MEIS2: variants seen among roughly 807,000 people sequenced by gnomAD.
MEIS2 encodes the protein Meis homeobox 2.
MEIS2 carries 9 observed loss-of-function variants against 58.6 expected under a neutral mutation model. The ratio of observed to expected loss-of-function variants is 0.15; its 90% confidence interval spans 0.09 to 0.27. MEIS2 has a LOEUF of 0.27. Among genes scored for constraint, MEIS2 ranks in the 10% least tolerant of loss-of-function variants. The pLI is 1.00. For missense variants in MEIS2, 427 were observed against 635.0 expected (o/e 0.67, Z 3.52); for synonymous variants, 221 against 228.4 (o/e 0.97, Z 0.29).
chr15:36,992,074 C>G (rs2060316545), intron 8 of MEIS2, among the ~76,000 whole-genome samples: 1 of 151,216 alleles, frequency 6.6e-6, no homozygotes, highest in African/African-American at 2.4e-5. Context: ...GGCGGTGAGC[C>G]ACCGCGCCCG....
Position 37,014,872 on chromosome 15 carries a change from G to C in MEIS2, c.900+21942C>G, listed in dbSNP as rs578099373. Among the ~76,000 whole-genome samples the C allele has an allele frequency of 6.7e-5, 10 of 149,092 alleles. No homozygotes were observed. In the South Asian group the frequency reaches 2.1e-3, roughly 31 times the overall value. On this transcript the variant is annotated intron_variant, in intron 8 of 11. Coordinates refer to ENST00000561208, the MANE Select transcript of MEIS2 (RefSeq NM_170675.5). ...TTTTTTTTTTTTTTGCTCCTTATCA[G>C]CACCATAGATTTTTAACTATGGACC...
At chr15:36,976,990 G>A (rs2059781088) in intron 8 of MEIS2, among the ~76,000 whole-genome samples, 1 of 152,130 alleles carries the variant, frequency 6.6e-6, no homozygotes, top group Non-Finnish European at 1.5e-5. Context: ...GCTGGGCATG[G>A]TGGCGCATGC....
At chr15:36,935,524 C>G (rs1001400777) in intron 9 of MEIS2, among the ~76,000 whole-genome samples, 1 of 152,004 alleles carries the variant, frequency 6.6e-6, no homozygotes, top group African/African-American at 2.4e-5. Flanking sequence ...TAATAATAAT[C>G]AGGAAAGAGA....
chr15:36,965,566 G>C (rs922016993), intron 8 of MEIS2, among the ~76,000 whole-genome samples: 2 of 152,168 alleles, frequency 1.3e-5, no homozygotes, highest in African/African-American at 4.8e-5. Context: ...ATAACTGTAG[G>C]ATGAATATGG....
At chr15:37,086,863 C>T (rs1892958516) in intron 6 of MEIS2, among the ~76,000 whole-genome samples, 3 of 152,150 alleles carry the variant, frequency 2.0e-5, no homozygotes, top group Non-Finnish European at 4.4e-5. Flanking sequence ...CCTCCTTGGT[C>T]ATAAAAAACT....
rs1457092240 is a variant in MEIS2 at position 36,889,254 on chromosome 15, C to G, written c.*2919G>C. On this transcript the variant is annotated 3_prime_UTR_variant, in exon 12 of 12. Coordinates refer to ENST00000561208, the MANE Select transcript of MEIS2 (RefSeq NM_170675.5). ...TCAGACTACAGTATTTCCTTTAACA[C>G]TATATGGTTGTCAAAACACCATTCC... The G allele has an allele frequency of 6.6e-6, 1 of 152,150 alleles. No homozygotes were observed. The highest frequency in any genetic ancestry group is 1.5e-5 in the Non-Finnish European group (1 of 68,034). 9.4% of individuals were successfully genotyped at this position (152,150 alleles called of 1,614,324 possible).
At chr15:37,098,875 G>T (rs1410972771) in intron 1 of MEIS2, 3 of 977,592 alleles carry the variant, frequency 3.1e-6, no homozygotes, top group African/African-American at 1.8e-5. Flanking sequence ...AGCGGAGGGT[G>T]GGGGGGCGAA....
At chr15:37,048,358 G>T (rs116580652) in intron 7 of MEIS2, among the ~76,000 whole-genome samples, 3,981 of 151,952 alleles carry the variant, frequency 0.026, 192 homozygotes, top group African/African-American at 0.09. Flanking sequence ...AATAAAATTT[G>T]TTGGAAGAAA....
intron 8 of MEIS2, among the ~76,000 whole-genome samples, chr15:36,981,250 A>T (rs532782673): frequency 6.6e-6 from 1 of 152,150 alleles, no homozygotes; most frequent in South Asian, 2.1e-4. Context: ...AAAGCTATTG[A>T]TACTTGCATA....
chr15:37,097,237 C>T (rs780806938), intron 2 of MEIS2: 7 of 152,318 alleles, frequency 4.6e-5, no homozygotes, highest in Admixed American at 3.3e-4. Flanking sequence ...CCACTGTCCC[C>T]TCCCCTCGGC....
In MEIS2 at chr15:37,088,179, A is replaced by G. The variant is rs189815117; in HGVS notation, c.640-4294T>C. 2.4e-3 allele frequency among the ~76,000 whole-genome samples: 361 copies of G among 152,356 alleles called. 1 individual carries two copies. The highest frequency in any genetic ancestry group is 7.9e-3 in the African/African-American group (330 of 41,582). The stretch of plus-strand genomic sequence containing the variant: ...CTCTTTAAAATTAAGAAGTTAGACC[A>G]GATAACTTCTAGAACCTACACAACT... On this transcript the variant is annotated intron_variant, in intron 6 of 11. Transcript: ENST00000561208.
At chr15:36,930,227 G>C (rs2057919249) in intron 9 of MEIS2, among the ~76,000 whole-genome samples, 1 of 147,360 alleles carries the variant, frequency 6.8e-6, no homozygotes, top group African/African-American at 2.5e-5. Context: ...AAAAGAGAGA[G>C]AGAGAGAAAA....
chr15:36,963,599 A>G (rs1268401620), intron 8 of MEIS2, among the ~76,000 whole-genome samples: 1 of 152,240 alleles, frequency 6.6e-6, no homozygotes, highest in Non-Finnish European at 1.5e-5. Flanking sequence ...TAAAGTCTTC[A>G]TCTTCTTTCC....
chr15:37,090,218 T>C (rs2681312), intron 6 of MEIS2, among the ~76,000 whole-genome samples: 32,167 of 151,898 alleles, frequency 0.21, 3,735 homozygotes, highest in Middle Eastern at 0.35. Context: ...ATTAAAAACA[T>C]AAGCATGCAT....
intron 8 of MEIS2, among the ~76,000 whole-genome samples, chr15:36,963,967 C>T (rs1437853821): frequency 6.6e-6 from 1 of 152,148 alleles, no homozygotes; most frequent in Non-Finnish European, 1.5e-5. Flanking sequence ...GACTATTAGC[C>T]CTAAGTTATT....
chr15:37,046,317 T>G (rs1190340947), intron 7 of MEIS2, among the ~76,000 whole-genome samples: 2 of 152,108 alleles, frequency 1.3e-5, no homozygotes, highest in Non-Finnish European at 2.9e-5. Context: ...TACAGGCAGC[T>G]GCAAAGCAGA....
chr15:36,996,625 T>C (rs1188676469), intron 8 of MEIS2, among the ~76,000 whole-genome samples: 1 of 152,196 alleles, frequency 6.6e-6, no homozygotes, highest in Non-Finnish European at 1.5e-5. Flanking sequence ...AAGGCACTGT[T>C]TCTTTCTTAG....
intron 8 of MEIS2, among the ~76,000 whole-genome samples, chr15:36,974,075 C>T (rs2059659667): frequency 6.6e-6 from 1 of 152,134 alleles, no homozygotes; most frequent in East Asian, 1.9e-4. Flanking sequence ...TTTCCATTTC[C>T]TAGAAATTCG....
intron 7 of MEIS2, among the ~76,000 whole-genome samples, chr15:37,072,973 C>T (rs753797721): frequency 5.3e-5 from 8 of 152,016 alleles, no homozygotes; most frequent in Non-Finnish European, 7.4e-5. Flanking sequence ...TGTATTTATT[C>T]GTTTACCTTT....
Sources: allele counts gnomAD v4.1 joint callset (sites outside exome capture counted in the v4.1 genomes callset), GRCh38; gene constraint gnomAD v4.1.1; transcripts MANE v1.5; gene names NCBI Gene and HGNC (gene_info 2026-07-23, HGNC 2026-07-21).